The following CNTNAP5 variants were observed in gnomAD, a reference collection of about 807,000 sequenced individuals.
CNTNAP5 encodes contactin-associated protein-like 5.
In CNTNAP5, 72 loss-of-function variants were observed where a neutral mutation model predicts 150.2. That is an observed-to-expected ratio of 0.48 (90% confidence interval 0.40 to 0.58). The LOEUF (loss-of-function observed/expected upper bound fraction) is 0.58, where lower values mean the gene tolerates loss of function less well. Ranked by LOEUF, CNTNAP5 falls within the 20% of genes least tolerant of loss-of-function variation. The pLI, the probability that CNTNAP5 is intolerant of heterozygous loss-of-function variation, is 0.00. For synonymous variants in CNTNAP5, 672 were observed against 619.8 expected (o/e 1.08, Z -1.25); for missense variants, 1,636 against 1,626.2 (o/e 1.01, Z -0.10).
At chr2:124,551,249 C>T (rs1695621397) in intron 10 of CNTNAP5, among the ~76,000 whole-genome samples, 1 of 152,138 alleles carries the variant, frequency 6.6e-6, no homozygotes, top group South Asian at 2.1e-4. Flanking sequence ...GATTGACTCC[C>T]TGCTGTGAAC....
intron 3 of CNTNAP5, among the ~76,000 whole-genome samples, chr2:124,298,227 G>A (rs1403271760): frequency 6.6e-6 from 1 of 152,102 alleles, no homozygotes; most frequent in Non-Finnish European, 1.5e-5. Context: ...TTGTGTCATG[G>A]AGGTTTGTTA....
chr2:124,479,084 G>GT (rs1294750851), intron 7 of CNTNAP5, among the ~76,000 whole-genome samples: 5 of 152,096 alleles, frequency 3.3e-5, no homozygotes, highest in Non-Finnish European at 7.3e-5. Context: ...CCGAAATGCA[G>GT]TAAAACTAAC....
intron 21 of CNTNAP5, among the ~76,000 whole-genome samples, chr2:124,887,713 G>A (rs1482506691): frequency 6.6e-6 from 1 of 152,072 alleles, no homozygotes; most frequent in Non-Finnish European, 1.5e-5. Flanking sequence ...TGGCAGAAAA[G>A]AAACTTCACA....
At chr2:124,624,165 TG>T (rs1343375394) in intron 12 of CNTNAP5, among the ~76,000 whole-genome samples, 1 of 152,174 alleles carries the variant, frequency 6.6e-6, no homozygotes, top group Non-Finnish European at 1.5e-5. Flanking sequence ...CCTGCTAAAT[TG>T]GGCCATTAAA....
intron 2 of CNTNAP5, among the ~76,000 whole-genome samples, chr2:124,228,997 C>T (rs1324366757): frequency 5.3e-5 from 8 of 151,986 alleles, no homozygotes; most frequent in Admixed American, 4.6e-4. Context: ...TTGCTGAGTC[C>T]CTTGATGATT....
Position 124,412,378 on chromosome 2 carries a change from A to G in CNTNAP5, c.382-5065A>G, listed in dbSNP as rs1375809547. Among the ~76,000 whole-genome samples the G allele has an allele frequency of 2.0e-5, 3 of 148,060 alleles. No individual in the cohort carries two copies. In the East Asian group the frequency reaches 6.0e-4, roughly 30 times the overall value. On this transcript the variant is annotated intron_variant, in intron 3 of 23. Coordinates refer to ENST00000682447, the MANE Select transcript of CNTNAP5 (RefSeq NM_001367498.1). ...TTTCTTCGCAGAATTGGAAAAAACT[A>G]CTTTAAAGTTCATATGGAACCAAAA... is the stretch of plus-strand genomic sequence containing the variant.
intron 21 of CNTNAP5, among the ~76,000 whole-genome samples, chr2:124,882,273 C>A (rs996767142): frequency 6.6e-6 from 1 of 152,052 alleles, no homozygotes; most frequent in Non-Finnish European, 1.5e-5. Context: ...AACCACTCAG[C>A]CCACTGACCA....
intron 6 of CNTNAP5, among the ~76,000 whole-genome samples, chr2:124,455,536 G>T (rs1271778918): frequency 6.6e-6 from 1 of 151,920 alleles, no homozygotes; most frequent in African/African-American, 2.4e-5. Flanking sequence ...ACATGATAGA[G>T]AAAGAGAGAA....
chr2:124,239,497 T>C (rs201987622), intron 2 of CNTNAP5, among the ~76,000 whole-genome samples: 1 of 152,298 alleles, frequency 6.6e-6, no homozygotes, highest in East Asian at 1.9e-4. Flanking sequence ...CTGTACATAT[T>C]CTTTACGCAA....
chr2:124,335,804 G>C (rs904554424), intron 3 of CNTNAP5, among the ~76,000 whole-genome samples: 1 of 151,956 alleles, frequency 6.6e-6, no homozygotes, highest in East Asian at 1.9e-4. Context: ...AGTGGATCAC[G>C]ATGATTGTGG....
intron 11 of CNTNAP5, among the ~76,000 whole-genome samples, chr2:124,594,910 G>A (rs1573483310): frequency 1.0e-5 from 1 of 98,204 alleles, no homozygotes; most frequent in African/African-American, 3.7e-5. Context: ...TTGTGAATGG[G>A]AGTTCACTCA....
At chr2:124,115,951 C>A (rs1683419820) in intron 1 of CNTNAP5, among the ~76,000 whole-genome samples, 1 of 152,134 alleles carries the variant, frequency 6.6e-6, no homozygotes, top group Admixed American at 6.6e-5. Context: ...TTTAAGAGTC[C>A]TGAGACCAAA....
At chr2:124,098,133 C>T (rs191011308) in intron 1 of CNTNAP5, among the ~76,000 whole-genome samples, 1 of 152,270 alleles carries the variant, frequency 6.6e-6, no homozygotes, top group East Asian at 1.9e-4. Flanking sequence ...TCAGTGATCA[C>T]GTAAACAGTT....
intron 6 of CNTNAP5, among the ~76,000 whole-genome samples, chr2:124,464,460 C>G (rs1437314555): frequency 6.6e-6 from 1 of 152,064 alleles, no homozygotes; most frequent in Non-Finnish European, 1.5e-5. Flanking sequence ...AAACAATTGC[C>G]TCGACTCATT....
At chr2:124,253,931 G>A (rs1290488800) in intron 3 of CNTNAP5, among the ~76,000 whole-genome samples, 4 of 151,868 alleles carry the variant, frequency 2.6e-5, no homozygotes, top group Non-Finnish European at 4.4e-5. Flanking sequence ...TAATTCAAGT[G>A]TATTTAATAA....
At chr2:124,684,343 A>G (rs1288784186) in intron 13 of CNTNAP5, among the ~76,000 whole-genome samples, 1 of 152,216 alleles carries the variant, frequency 6.6e-6, no homozygotes, top group Non-Finnish European at 1.5e-5. Context: ...TGTTAAAAAC[A>G]TTATACTGCA....
At chr2:124,603,003 CT>C (rs1697019990) in intron 11 of CNTNAP5, among the ~76,000 whole-genome samples, 1 of 31,878 alleles carries the variant, frequency 3.1e-5, no homozygotes, top group African/African-American at 1.3e-4. Flanking sequence ...TCTTCCCTCT[CT>C]CCCTCCCTCC....
chr2:124,865,560 G>GC (rs756669151), intron 20 of CNTNAP5, 124 bp downstream of exon 20: 2 of 877,770 alleles, frequency 2.3e-6, no homozygotes, highest in Non-Finnish European at 3.5e-6. Context: ...AATCACACTT[G>GC]CCCCCAGACT....
intron 1 of CNTNAP5, among the ~76,000 whole-genome samples, chr2:124,081,656 T>A (rs1682559971): frequency 6.6e-6 from 1 of 152,210 alleles, no homozygotes; most frequent in Admixed American, 6.5e-5. Context: ...ATAGGGGATG[T>A]GGTAGCAAGT....
Sources: allele counts gnomAD v4.1 joint callset (sites outside exome capture counted in the v4.1 genomes callset), GRCh38; gene constraint gnomAD v4.1.1; transcripts MANE v1.5; gene names NCBI Gene and HGNC (gene_info 2026-07-23, HGNC 2026-07-21).